Variants in WNK2 observed in about 807,000 individuals in gnomAD.
The protein encoded by WNK2 is serine/threonine-protein kinase WNK2.
A neutral mutation model predicts 192.1 loss-of-function variants in WNK2; 67 were observed. The ratio of observed to expected loss-of-function variants is 0.35; its 90% CI spans 0.29 to 0.43. The LOEUF (loss-of-function observed/expected upper bound fraction) is 0.43. Ranked by LOEUF, WNK2 falls within the 20% of genes least tolerant of loss-of-function variation. The pLI, the probability that WNK2 is intolerant of heterozygous loss-of-function variation, is 1.00. For synonymous variants in WNK2, 1,439 were observed against 1,393.9 expected (o/e 1.03, Z -0.72); for missense variants, 2,698 against 3,089.7 (o/e 0.87, Z 3.01).
At chr9:93,318,377 TAG>T (rs1349241785) in intron 29 of WNK2, 1 of 1,613,686 alleles carries the variant, frequency 6.2e-7, no homozygotes, top group Admixed American at 1.7e-5. Context: ...TTGTCCTCAG[TAG>T]AGTGCCGGTT....
rs1273193494 is a variant in WNK2 at position 93,184,267 on chromosome 9, G to C, written c.-121G>C. On this transcript the variant is annotated 5_prime_UTR_variant, in exon 1 of 30. Coordinates refer to ENST00000427277, the MANE Select transcript of WNK2 (RefSeq NM_006648.4). ...CGCGCAGGAGCTGGAGCGGCGCCAC[G>C]GCCCCCACCCCAGCGCGGACCTCGC... Among the ~76,000 whole-genome samples, 1 of 150,664 alleles carries C rather than the reference G, an allele frequency of 6.6e-6. No individual in the cohort carries two copies. Among genetic ancestry groups the C allele is most frequent in the African/African-American group, 2.4e-5 (1 of 41,170 alleles).
intron 2 of WNK2, among the ~76,000 whole-genome samples, chr9:93,209,135 G>A (rs1834012022): frequency 6.6e-6 from 1 of 152,156 alleles, no homozygotes; most frequent in Non-Finnish European, 1.5e-5. Context: ...TTGAGCAGAA[G>A]GACATAGACC....
intron 2 of WNK2, among the ~76,000 whole-genome samples, chr9:93,190,650 C>G (rs556624093): frequency 3.3e-5 from 5 of 152,386 alleles, no homozygotes; most frequent in Non-Finnish European, 7.3e-5. Flanking sequence ...AGCACTGGAA[C>G]CTTCCGTGGT....
chr9:93,185,105 C>T lies in WNK2; in HGVS notation c.176C>T (p.Ala59Val), dbSNP rs1829040353. 1.5e-6 allele frequency: 2 copies of T among 1,313,802 alleles called. No homozygotes were observed. Among genetic ancestry groups the T allele is most frequent in the South Asian group, 1.9e-5 (1 of 52,288 alleles). 81.4% of individuals were successfully genotyped at this position (1,313,802 alleles called of 1,614,324 possible). A position where few individuals can be genotyped will look rare whatever the true frequency, so the allele number is the denominator to read the frequency against. ...CAGGAGGAGCCGCCGGGCTTGGAGG[C>T]AGCCGAGGCGCCGGGCCCGCAGCCC... Reference protein sequence around the residue: ...SDQEEPPGLEAAEAPGPQPPQ... With the variant: ...SDQEEPPGLEVAEAPGPQPPQ... The change falls in exon 2 of 30, where the codon GCA (alanine) becomes GTA (valine). Residue 59 changes from alanine (A) to valine (V), a missense_variant. Coordinates refer to ENST00000427277, the MANE Select transcript of WNK2 (RefSeq NM_006648.4).
chr9:93,299,015 G>C, intron 24 of WNK2, 55 bp from the exon 25 acceptor site: 2 of 1,539,660 alleles, frequency 1.3e-6, no homozygotes, highest in Non-Finnish European at 8.8e-7. Flanking sequence ...CAATCCACAC[G>C]GCCCCGACCC....
chr9:93,299,161 G>T lies in WNK2; in HGVS notation c.6015G>T (p.Gly2005=). 6.2e-7 allele frequency: 1 copy of T among 1,611,544 alleles called. No individual in the cohort carries two copies. ...CTGCAGACAGCACGGGCCTGAGCGG[G>T]AAGGCAGTGCAGACCCAGCAGCCCT... ...GLTADSTGLS[G]KAVQTQQPCS... is the part of the protein sequence containing the mutation. The change falls in exon 25 of 30, where the codon GGG becomes GGT. Residue 2005 remains glycine, a synonymous_variant. Coordinates refer to ENST00000427277, the MANE Select transcript of WNK2 (RefSeq NM_006648.4).
At chr9:93,307,564 G>A (rs2134247106) in intron 27 of WNK2, 1 of 152,440 alleles carries the variant, frequency 6.6e-6, no homozygotes, top group South Asian at 2.1e-4. Flanking sequence ...TGAAGCAGCC[G>A]AGTGCTCTGG....
chr9:93,275,455 ATTAAT>A (rs1419118438), intron 19 of WNK2, among the ~76,000 whole-genome samples: 3 of 152,186 alleles, frequency 2.0e-5, no homozygotes, highest in Non-Finnish European at 4.4e-5. Flanking sequence ...CTTCAGTCTG[ATTAAT>A]TTAAAACACA....
intron 26 of WNK2, among the ~76,000 whole-genome samples, chr9:93,301,998 C>T (rs536574676): frequency 3.1e-4 from 47 of 152,328 alleles, no homozygotes; most frequent in African/African-American, 9.9e-4. Context: ...AGCTCCAGGC[C>T]TCCGAAGTCT....
At chr9:93,197,555 C>T (rs549623423) in intron 2 of WNK2, among the ~76,000 whole-genome samples, 2 of 152,166 alleles carry the variant, frequency 1.3e-5, no homozygotes, top group African/African-American at 4.8e-5. Flanking sequence ...TTGAGGGAGT[C>T]TTGCTCTGTC....
At chr9:93,300,343 A>C (rs1851380078) in intron 26 of WNK2, 194 bp downstream of exon 26, 5 of 529,834 alleles carry the variant, frequency 9.4e-6, no homozygotes, top group Middle Eastern at 5.1e-4. Flanking sequence ...CCTACCCCCA[A>C]GCCCCACACA....
At chr9:93,277,977 A>C (rs571998257) in intron 19 of WNK2, among the ~76,000 whole-genome samples, 91 of 152,328 alleles carry the variant, frequency 6.0e-4, no homozygotes, top group African/African-American at 1.9e-3. Context: ...TTAGGCCAAG[A>C]TGGAATAATA....
At chr9:93,315,658 A>C (rs112438909) in intron 28 of WNK2, 1 of 152,192 alleles carries the variant, frequency 6.6e-6, no homozygotes, top group Non-Finnish European at 1.5e-5. Flanking sequence ...AGTGCCTCAG[A>C]CTACCTCCTC....
At chr9:93,289,804 T>C (rs1367753223) in intron 20 of WNK2, among the ~76,000 whole-genome samples, 174 bp from the exon 21 acceptor site, 3 of 152,234 alleles carry the variant, frequency 2.0e-5, no homozygotes, top group African/African-American at 7.2e-5. Flanking sequence ...AAGTGACCCC[T>C]GTTTGGGGTC....
Position 93,185,451 on chromosome 9 carries a change from A to AGAG in WNK2, c.531_533dup (p.Glu177dup), listed in dbSNP as rs764849757. The AGAG allele has an allele frequency of 2.5e-6, 4 of 1,612,468 alleles. No individual in the cohort carries two copies. The East Asian group carries it at 8.9e-5, about 36-fold the overall frequency. On this transcript the variant is annotated inframe_insertion, in exon 2 of 30. Transcript: ENST00000427277. ...GGCGCACTCGCCGGGACGAGCCCGA[A>AGAG]GAGGAGGAGGACGACGAGGACGACC...
chr9:93,238,226 C>T lies in WNK2; in HGVS notation c.1234-7C>T, dbSNP rs780520238. 4 of 1,613,992 alleles carry T rather than the reference C, an allele frequency of 2.5e-6. No homozygotes were observed. The highest frequency in any genetic ancestry group is 3.4e-6 in the Non-Finnish European group (4 of 1,179,838). ...CGGGTCAGGTAACTCTGCTCTCTCC[C>T]TGTCAGGGTATCAAGCCGGCCAGCT... On this transcript the variant is annotated splice_polypyrimidine_tract_variant and splice_region_variant and intron_variant, in intron 5 of 29. Transcript: ENST00000427277.
Position 93,289,318 on chromosome 9 carries a change from A to G in WNK2, c.4564A>G (p.Thr1522Ala), listed in dbSNP as rs543183135. Residue 1522 changes from threonine to alanine, a missense_variant, in exon 20 of 30, where the codon ACC becomes GCC. By Grantham distance (58) the Thr-to-Ala change is moderately conservative (BLOSUM62 0). Around this residue, in one of 7 missense-constraint regions of WNK2, gnomAD observed 1,098 missense variants for 1,101.0 expected, o/e 1.00. Coordinates refer to ENST00000427277, the MANE Select transcript of WNK2 (RefSeq NM_006648.4). ...SQLPSPPLGP[T>A]VPPQPPSALE... Reference sequence around the variant, plus strand: ...GCTCCCAAGCCCACCCCTGGGGCCCACCGTCCCCCCACAGCCACCCTCGGC... The same window carrying G: ...GCTCCCAAGCCCACCCCTGGGGCCCGCCGTCCCCCCACAGCCACCCTCGGC... The G allele has an allele frequency of 1.2e-6, 2 of 1,600,246 alleles. No homozygotes were observed. Among genetic ancestry groups the G allele is most frequent in the Middle Eastern group, 3.3e-4 (2 of 6,036 alleles).
chr9:93,294,338 A>G (rs1055345971), intron 23 of WNK2, among the ~76,000 whole-genome samples: 3 of 152,142 alleles, frequency 2.0e-5, no homozygotes, highest in African/African-American at 4.8e-5. Context: ...GAAGGCAGGG[A>G]TGGGTGGAAT....
intron 2 of WNK2, among the ~76,000 whole-genome samples, chr9:93,218,726 C>T (rs996487168): frequency 2.6e-4 from 40 of 152,234 alleles, no homozygotes; most frequent in African/African-American, 9.2e-4. Context: ...GTGTCTGCTG[C>T]CTGCACAGCT....
Sources: allele counts gnomAD v4.1 joint callset (sites outside exome capture counted in the v4.1 genomes callset), GRCh38; gene constraint gnomAD v4.1.1; regional missense constraint gnomAD v4.1.1; transcripts MANE v1.5; gene names NCBI Gene and HGNC (gene_info 2026-07-23, HGNC 2026-07-21).